Variants in STAM observed in about 807,000 individuals in gnomAD.
STAM encodes the protein signal transducing adapter molecule 1.
In STAM, 16 loss-of-function variants were observed where a neutral mutation model predicts 63.4. The observed-to-expected ratio is 0.25, with a 90% CI of 0.17 to 0.38. STAM has a LOEUF of 0.38. Ranked by LOEUF, STAM falls within the 10% of genes least tolerant of loss-of-function variation. STAM has a pLI of 1.00. For synonymous variants in STAM, 238 were observed against 223.9 expected (o/e 1.06, Z -0.56); for missense variants, 636 against 657.1 (o/e 0.97, Z 0.35).
chr10:17,661,604 C>G (rs1184872832), intron 2 of STAM, among the ~76,000 whole-genome samples: 1 of 152,152 alleles, frequency 6.6e-6, no homozygotes, highest in Admixed American at 6.6e-5. Flanking sequence ...GAACTCCTGT[C>G]TCTTTTTGTT....
chr10:17,707,855 G>A (rs1241909961), intron 12 of STAM, among the ~76,000 whole-genome samples: 1 of 150,708 alleles, frequency 6.6e-6, no homozygotes, highest in African/African-American at 2.4e-5. Flanking sequence ...AAATACAGAA[G>A]TAGACAAATC....
intron 2 of STAM, among the ~76,000 whole-genome samples, chr10:17,677,326 A>G (rs1187607352): frequency 6.6e-6 from 1 of 152,246 alleles, no homozygotes; most frequent in Non-Finnish European, 1.5e-5. Context: ...AACAAAATAC[A>G]TAATCAATTT....
intron 4 of STAM, among the ~76,000 whole-genome samples, chr10:17,686,505 T>C (rs1835301539): frequency 6.6e-6 from 1 of 151,776 alleles, no homozygotes; most frequent in South Asian, 2.1e-4. Flanking sequence ...GCCTCCTGAG[T>C]AGCTGGGAAT....
intron 9 of STAM, among the ~76,000 whole-genome samples, 154 bp from the exon 10 acceptor site, chr10:17,704,277 A>G (rs891237128): frequency 1.3e-5 from 2 of 152,206 alleles, no homozygotes; most frequent in Admixed American, 6.5e-5. Context: ...GCAGTACTAG[A>G]GAGAATAAAT....
At position 17,704,719 on chromosome 10, in the gene STAM, G is replaced by A. The variant is rs146667587; in HGVS notation, c.1000+201G>A. On this transcript the variant is annotated intron_variant, in intron 10 of 13. Transcript: ENST00000377524. ...ATTTTCTATCCAAACGAAGTGTTCT[G>A]TTCAACATTTTAGAACCTGGTAAAA... Among the ~76,000 whole-genome samples the A allele has an allele frequency of 5.3e-3, 809 of 152,218 alleles. 3 individuals carry two copies. Among genetic ancestry groups the A allele is most frequent in the African/African-American group, 0.019 (779 of 41,530 alleles).
chr10:17,668,332 A>G (rs1361900879), intron 2 of STAM, among the ~76,000 whole-genome samples: 1 of 152,262 alleles, frequency 6.6e-6, no homozygotes, highest in Non-Finnish European at 1.5e-5. Context: ...CATAATGCAT[A>G]TTGAACAGAT....
chr10:17,691,071 T>A (rs1024840306), intron 5 of STAM, among the ~76,000 whole-genome samples: 6 of 152,230 alleles, frequency 3.9e-5, no homozygotes, highest in African/African-American at 1.4e-4. Context: ...CCGTAAAACT[T>A]ATTTCTGACC....
Position 17,714,981 on chromosome 10 carries a change from A to G in STAM, c.*201A>G. 1 of 573,696 alleles carries G rather than the reference A, an allele frequency of 1.7e-6. No homozygotes were observed. Among genetic ancestry groups the G allele is most frequent in the Non-Finnish European group, 3.1e-6 (1 of 322,424 alleles). The allele number at this position is 573,696 out of a possible 1,614,324, so 35.5% of individuals were successfully genotyped here. A position where few individuals can be genotyped will look rare whatever the true frequency, so the allele number is the denominator to read the frequency against. On this transcript the variant is annotated 3_prime_UTR_variant, in exon 14 of 14. Transcript: ENST00000377524. ...TCTTCCCCCCCCGCCCCTGCAGAGG[A>G]ATGAAACTACTTACAACATTTAATT...
At chr10:17,695,681 C>T (rs1835727965) in intron 7 of STAM, 1 of 152,628 alleles carries the variant, frequency 6.6e-6, no homozygotes, top group Non-Finnish European at 1.5e-5. Context: ...GGAGGTGATA[C>T]AGTGCATCAG....
intron 11 of STAM, 22 bp downstream of exon 11, chr10:17,705,046 T>TA: frequency 6.2e-7 from 1 of 1,606,616 alleles, no homozygotes. Flanking sequence ...TGGGTGCATT[T>TA]ATGTTGTGTA....
intron 7 of STAM, 78 bp from the exon 8 acceptor site, chr10:17,696,697 T>G: frequency 9.5e-7 from 1 of 1,049,086 alleles, no homozygotes; most frequent in South Asian, 1.5e-5. Context: ...ATAGTGTAAG[T>G]TGAATACTAC....
intron 13 of STAM, among the ~76,000 whole-genome samples, chr10:17,710,317 G>A (rs1224735657): frequency 6.6e-6 from 1 of 152,170 alleles, no homozygotes; most frequent in Admixed American, 6.5e-5. Flanking sequence ...AAGTTCTGTA[G>A]CGCTGTGGTA....
chr10:17,706,672 C>A (rs1392504398), intron 12 of STAM, among the ~76,000 whole-genome samples: 1 of 152,060 alleles, frequency 6.6e-6, no homozygotes, highest in African/African-American at 2.4e-5. Flanking sequence ...AGCCATCGCG[C>A]CCGGCCGAGG....
chr10:17,680,310 C>T (rs997003931), intron 2 of STAM, among the ~76,000 whole-genome samples: 2 of 152,124 alleles, frequency 1.3e-5, no homozygotes, highest in Non-Finnish European at 2.9e-5. Flanking sequence ...CTCTTTAAAA[C>T]TGAAACTGTA....
At chr10:17,688,524 G>A (rs1254153098) in intron 5 of STAM, among the ~76,000 whole-genome samples, 7 of 152,080 alleles carry the variant, frequency 4.6e-5, no homozygotes, top group African/African-American at 1.2e-4. Context: ...GTGCAGTAGC[G>A]TGATCTCGGC....
chr10:17,706,229 T>TTTG (rs142351284), intron 12 of STAM, among the ~76,000 whole-genome samples: 36 of 151,992 alleles, frequency 2.4e-4, no homozygotes, highest in African/African-American at 7.2e-4. Flanking sequence ...CTAATAGTTT[T>TTTG]TTGTTGTTGT....
At chr10:17,657,841 TTC>T (rs202232803) in intron 1 of STAM, among the ~76,000 whole-genome samples, 1 of 148,166 alleles carries the variant, frequency 6.7e-6, no homozygotes, top group Non-Finnish European at 1.5e-5. Flanking sequence ...AATTGGTGTT[TTC>T]TCTCTCTTTT....
intron 9 of STAM, among the ~76,000 whole-genome samples, chr10:17,701,274 AAT>A (rs1459233935): frequency 6.3e-5 from 4 of 63,122 alleles, no homozygotes; most frequent in Non-Finnish European, 1.5e-4. Flanking sequence ...TTTATGAAAA[AAT>A]AAAAAGTATG....
intron 1 of STAM, among the ~76,000 whole-genome samples, chr10:17,644,749 A>C (rs1349086704): frequency 6.6e-6 from 1 of 152,216 alleles, no homozygotes; most frequent in African/African-American, 2.4e-5. Flanking sequence ...TAAACCCTGT[A>C]CCAAAAGTGC....
Sources: allele counts gnomAD v4.1 joint callset (sites outside exome capture counted in the v4.1 genomes callset), GRCh38; gene constraint gnomAD v4.1.1; transcripts MANE v1.5; gene names NCBI Gene and HGNC (gene_info 2026-07-23, HGNC 2026-07-21).